ESR1: variants seen among roughly 807,000 people sequenced by gnomAD.
ESR1 encodes estrogen receptor 1, also known as estrogen receptor.
Under a neutral mutation model 52.7 loss-of-function variants are expected in ESR1, and 12 were observed. That is an observed-to-expected ratio of 0.23 (90% confidence interval 0.15 to 0.37). ESR1 has a LOEUF of 0.37. Ranked by LOEUF, ESR1 falls within the 10% of genes least tolerant of loss-of-function variation. The pLI is 1.00. For missense variants in ESR1, 584 were observed against 779.7 expected, an observed-to-expected ratio of 0.75 and a Z score of 2.99; for synonymous variants, 305 against 316.8, an observed-to-expected ratio of 0.96 and a Z score of 0.39.
intron 2 of ESR1, among the ~76,000 whole-genome samples, chr6:151,707,877 T>C (rs879561416): frequency 1.3e-5 from 2 of 152,174 alleles, no homozygotes; most frequent in Admixed American, 1.3e-4. Flanking sequence ...TATTATTAAA[T>C]ATAATAGGTA....
chr6:151,773,157 A>G (rs1028077881), intron 2 of ESR1, among the ~76,000 whole-genome samples: 13 of 152,152 alleles, frequency 8.5e-5, no homozygotes, highest in Non-Finnish European at 1.8e-4. Flanking sequence ...TAAAAGGGAA[A>G]ATTTGGACAG....
At chr6:151,939,013 T>C (rs2128506931) in intron 3 of ESR1, among the ~76,000 whole-genome samples, 1 of 152,338 alleles carries the variant, frequency 6.6e-6, no homozygotes, top group Non-Finnish European at 1.5e-5. Flanking sequence ...GCAAATATTG[T>C]CTAGTCAGTT....
chr6:151,825,326 T>C (rs1781299479), intron 1 of ESR1, among the ~76,000 whole-genome samples: 1 of 151,962 alleles, frequency 6.6e-6, no homozygotes, highest in Non-Finnish European at 1.5e-5. Context: ...CAATACGTGG[T>C]TGGGTTTGTA....
intron 2 of ESR1, among the ~76,000 whole-genome samples, chr6:151,874,203 A>G (rs1446779907): frequency 2.0e-5 from 3 of 152,186 alleles, no homozygotes; most frequent in African/African-American, 7.2e-5. Context: ...TAATGGGACG[A>G]CACCTTTTCC....
intron 2 of ESR1, among the ~76,000 whole-genome samples, chr6:151,797,660 C>T (rs970446099): frequency 1.3e-5 from 2 of 152,158 alleles, no homozygotes; most frequent in African/African-American, 4.8e-5. Context: ...TGATTAATTG[C>T]TTACATAAGA....
intron 2 of ESR1, among the ~76,000 whole-genome samples, chr6:151,762,367 G>T (rs1195733610): frequency 6.6e-6 from 1 of 152,144 alleles, no homozygotes; most frequent in Non-Finnish European, 1.5e-5. Flanking sequence ...TATAGGCTTT[G>T]CAAGTTATTT....
chr6:152,064,464 A>G (rs968834401), intron 6 of ESR1, among the ~76,000 whole-genome samples: 1 of 152,174 alleles, frequency 6.6e-6, no homozygotes, highest in East Asian at 1.9e-4. Flanking sequence ...TCCATAATGA[A>G]TTTCCTCTCT....
chr6:151,825,058 G>A (rs551432455), intron 1 of ESR1, among the ~76,000 whole-genome samples: 59 of 152,090 alleles, frequency 3.9e-4, no homozygotes, highest in African/African-American at 1.4e-3. Context: ...TTTTTTAATT[G>A]GATTTCAGAA....
At chr6:152,088,104 A>T (rs9341036) in intron 6 of ESR1, among the ~76,000 whole-genome samples, 6,701 of 152,320 alleles carry the variant, frequency 0.044, 198 homozygotes, top group Middle Eastern at 0.099. Context: ...TAAAAATGTA[A>T]TGTATTTTAT....
intron 3 of ESR1, among the ~76,000 whole-genome samples, chr6:151,915,638 A>G (rs2128448786): frequency 6.6e-6 from 1 of 152,350 alleles, no homozygotes; most frequent in East Asian, 1.9e-4. Flanking sequence ...TAGCTTTAGT[A>G]TGTTCTACTT....
intron 2 of ESR1, among the ~76,000 whole-genome samples, chr6:151,709,255 A>G (rs1780404790): frequency 6.6e-6 from 1 of 151,972 alleles, no homozygotes; most frequent in Non-Finnish European, 1.5e-5. Flanking sequence ...TGCCTGGCTT[A>G]TTTCACTTAA....
intron 4 of ESR1, among the ~76,000 whole-genome samples, chr6:151,998,718 C>A (rs2128736830): frequency 6.6e-6 from 1 of 152,240 alleles, no homozygotes; most frequent in African/African-American, 2.4e-5. Context: ...GGAGTTAATT[C>A]TCATATGTTT....
chr6:151,795,002 C>T (rs1213769369), intron 2 of ESR1, among the ~76,000 whole-genome samples: 1 of 152,020 alleles, frequency 6.6e-6, no homozygotes, highest in Non-Finnish European at 1.5e-5. Context: ...TCTGGGGCCC[C>T]GGGAATTGTC....
chr6:151,997,022 C>T (rs1384800257), intron 4 of ESR1, among the ~76,000 whole-genome samples: 1 of 151,642 alleles, frequency 6.6e-6, no homozygotes, highest in Non-Finnish European at 1.5e-5. Context: ...GCAATAAGAA[C>T]CAAAAAGCAG....
At chr6:151,678,377 G>A (rs564495556) in intron 1 of ESR1, among the ~76,000 whole-genome samples, 1 of 152,012 alleles carries the variant, frequency 6.6e-6, no homozygotes, top group Admixed American at 6.6e-5. Flanking sequence ...GGAGGCTGAG[G>A]CAGGCAAATC....
chr6:151,731,872 T>C (rs1427562436), intron 2 of ESR1, among the ~76,000 whole-genome samples: 2 of 152,176 alleles, frequency 1.3e-5, no homozygotes, highest in Non-Finnish European at 2.9e-5. Context: ...TCTGCATCAG[T>C]AGAAAGTGCT....
At position 151,889,341 on chromosome 6, in the gene ESR1, TA is replaced by T. The variant is rs1345694170; in HGVS notation, c.760+8571del. 2.6e-5 allele frequency among the ~76,000 whole-genome samples: 4 copies of T among 152,230 alleles called. 1 individual carries two copies. ...TTTATTGCTGATTCAGTCTTCTTTC[TA>T]GCTATTGGTCTGGTCAGACTTTCTA... is the stretch of plus-strand genomic sequence containing the variant. On this transcript the variant is annotated intron_variant, in intron 3 of 7. Transcript: ENST00000206249.
At chr6:152,110,740 A>G (rs1562795886) in intron 6 of ESR1, among the ~76,000 whole-genome samples, 1 of 152,208 alleles carries the variant, frequency 6.6e-6, no homozygotes, top group East Asian at 1.9e-4. Context: ...GAGAAAGAAA[A>G]ACTCATAAGA....
chr6:151,861,736 A>G (rs1788926915), intron 2 of ESR1, among the ~76,000 whole-genome samples: 2 of 152,110 alleles, frequency 1.3e-5, no homozygotes, highest in African/African-American at 2.4e-5. Flanking sequence ...TATTTTGTTC[A>G]GAGGCTTGAG....
Sources: gnomAD v4.1 joint callset for allele counts (sites outside exome capture counted in the v4.1 genomes callset) on GRCh38, gnomAD v4.1.1 for gene constraint, MANE v1.5 for transcripts, NCBI Gene and HGNC (gene_info 2026-07-23, HGNC 2026-07-21) for gene names.